The following MCC variants were observed in gnomAD, a reference collection of about 807,000 sequenced individuals.
The protein encoded by MCC is colorectal mutant cancer protein.
A neutral mutation model predicts 116.2 loss-of-function variants in MCC; 90 were observed. The observed-to-expected ratio is 0.77, with a 90% CI of 0.65 to 0.92. MCC has a LOEUF of 0.92. Ranked by LOEUF, MCC falls within the 40% of genes least tolerant of loss-of-function variation. MCC has a pLI of 0.00. For synonymous variants in MCC, 578 were observed against 510.5 expected (o/e 1.13, Z -1.78); for missense variants, 1,516 against 1,312.2 (o/e 1.16, Z -2.40).
chr5:113,124,449 G>A (rs765378647), intron 5 of MCC, among the ~76,000 whole-genome samples: 2 of 152,178 alleles, frequency 1.3e-5, no homozygotes, highest in Admixed American at 6.5e-5. Flanking sequence ...TGGCTCAGCC[G>A]AGACTTTTTT....
intron 5 of MCC, among the ~76,000 whole-genome samples, chr5:113,126,493 C>T (rs1248648981): frequency 6.6e-6 from 1 of 152,028 alleles, no homozygotes; most frequent in Non-Finnish European, 1.5e-5. Flanking sequence ...CATTTATATG[C>T]AAATTTTCTT....
chr5:113,388,082 C>T (rs1769313389), intron 1 of MCC, among the ~76,000 whole-genome samples: 1 of 152,124 alleles, frequency 6.6e-6, no homozygotes, highest in African/African-American at 2.4e-5. Context: ...GCTTGAGAAG[C>T]CCCATTCTAC....
chr5:113,265,238 G>A (rs1254759260), intron 3 of MCC, among the ~76,000 whole-genome samples: 1 of 152,156 alleles, frequency 6.6e-6, no homozygotes, highest in Admixed American at 6.5e-5. Context: ...ATGCCTCTGA[G>A]TATCCTGAGA....
At chr5:113,400,534 G>A (rs1364182083) in intron 1 of MCC, among the ~76,000 whole-genome samples, 2 of 152,086 alleles carry the variant, frequency 1.3e-5, no homozygotes, top group East Asian at 1.9e-4. Flanking sequence ...TTAACATTTG[G>A]TATTAAGCAA....
At chr5:113,327,564 A>C (rs936111861) in intron 3 of MCC, among the ~76,000 whole-genome samples, 11 of 80,504 alleles carry the variant, frequency 1.4e-4, no homozygotes, top group Non-Finnish European at 2.7e-4. Context: ...AAAAAAAAAT[A>C]TATATATATA....
chr5:113,052,865 G>C (rs761287724), intron 15 of MCC, among the ~76,000 whole-genome samples: 4 of 152,128 alleles, frequency 2.6e-5, no homozygotes, highest in Non-Finnish European at 5.9e-5. Context: ...ACATTCTGAA[G>C]CTGTCTAGGG....
chr5:113,269,954 G>A (rs1026955894), intron 3 of MCC, among the ~76,000 whole-genome samples: 5 of 152,088 alleles, frequency 3.3e-5, no homozygotes, highest in Non-Finnish European at 4.4e-5. Context: ...ATTTTGAAAC[G>A]GACATAATAC....
At chr5:113,368,382 T>C (rs1768752889) in intron 2 of MCC, among the ~76,000 whole-genome samples, 1 of 152,192 alleles carries the variant, frequency 6.6e-6, no homozygotes, top group African/African-American at 2.4e-5. Context: ...GAAGGAAAAT[T>C]TCATAGACTA....
Position 113,094,830 on chromosome 5 carries a change from G to A in MCC, c.1398+6909C>T, listed in dbSNP as rs140150126. Among the ~76,000 whole-genome samples the A allele has an allele frequency of 2.3e-3, 348 of 152,292 alleles. 2 individuals are homozygous for A. Among genetic ancestry groups the A allele is most frequent in the African/African-American group, 8.0e-3 (332 of 41,564 alleles). Reference sequence around the variant, plus strand: ...CCTCCTCATAGGCACATGAGGCTGGGGTGAGTAAGCAAATACTGGTGCCCA... The same window carrying A: ...CCTCCTCATAGGCACATGAGGCTGGAGTGAGTAAGCAAATACTGGTGCCCA... On this transcript the variant is annotated intron_variant, in intron 8 of 18. Transcript: ENST00000408903.
At chr5:113,311,334 C>T (rs1350168205) in intron 3 of MCC, among the ~76,000 whole-genome samples, 1 of 152,144 alleles carries the variant, frequency 6.6e-6, no homozygotes, top group Admixed American at 6.5e-5. Flanking sequence ...ATGGTATGCC[C>T]GTGTCTCCTC....
Position 113,071,199 on chromosome 5 carries a change from AG to A in MCC, c.1819del (p.Leu607Ter). 1 of 1,614,164 alleles carries A rather than the reference AG, an allele frequency of 6.2e-7. No homozygotes were observed. Among genetic ancestry groups the A allele is most frequent in the Non-Finnish European group, 8.5e-7 (1 of 1,180,022 alleles). On this transcript the variant is annotated frameshift_variant, in exon 12 of 19. Transcript: ENST00000408903. LOFTEE classifies it high-confidence loss of function. ...TTTACATTCCTCCAAGGTTATGGTC[AG>A]GAGGTCATTTTGGGATTTGAGGTGC... ...IEHLKSQNDL[L>X]TITLEECKSN...
intron 1 of MCC, among the ~76,000 whole-genome samples, chr5:113,445,898 A>G (rs1771201001): frequency 6.6e-6 from 1 of 152,238 alleles, no homozygotes; most frequent in Non-Finnish European, 1.5e-5. Flanking sequence ...GTACAAAACC[A>G]GACACAAAGA....
chr5:113,076,442 T>C (rs528662594), intron 11 of MCC, among the ~76,000 whole-genome samples: 2 of 152,060 alleles, frequency 1.3e-5, no homozygotes, highest in Non-Finnish European at 2.9e-5. Context: ...GGGAAGCCCA[T>C]CAGAGTAGTA....
At position 113,143,372 on chromosome 5, in the gene MCC, G is replaced by T. The variant is rs1759304590; in HGVS notation, c.742-12C>A. The T allele has an allele frequency of 6.2e-7, 1 of 1,613,476 alleles. No individual in the cohort carries two copies. Among genetic ancestry groups the T allele is most frequent in the Non-Finnish European group, 8.5e-7 (1 of 1,179,850 alleles). ...TGGGACTGCTCGCACTGGGAATAAG[G>T]GAAAAGGACAGAAGTGCTGATGAAT... On this transcript the variant is annotated splice_polypyrimidine_tract_variant and intron_variant, in intron 4 of 18. Coordinates refer to ENST00000408903, the MANE Select transcript of MCC (RefSeq NM_001085377.2).
intron 1 of MCC, among the ~76,000 whole-genome samples, chr5:113,424,132 T>TACACACACACAC (rs547192248): frequency 0.011 from 1,251 of 112,676 alleles, 40 homozygotes; most frequent in African/African-American, 0.014. Flanking sequence ...AGTCATCCTC[T>TACACACACACAC]ACACACACAC....
intron 3 of MCC, among the ~76,000 whole-genome samples, chr5:113,249,118 A>G (rs1764690718): frequency 6.7e-6 from 1 of 150,192 alleles, no homozygotes; most frequent in Non-Finnish European, 1.5e-5. Context: ...CTGGGATTAC[A>G]GGCGTGAGCC....
Position 113,130,634 on chromosome 5 carries a change from A to G in MCC, c.885-7808T>C, listed in dbSNP as rs563115697. On this transcript the variant is annotated intron_variant, in intron 5 of 18. Coordinates refer to ENST00000408903, the MANE Select transcript of MCC (RefSeq NM_001085377.2). ...ATGGGAGTGGATCCCTCAAGAGATTATTGCCCTTCCTTGTGGGTGAGTGAG... is the reference window on the plus strand; with the variant it reads ...ATGGGAGTGGATCCCTCAAGAGATTGTTGCCCTTCCTTGTGGGTGAGTGAG... 1.3e-5 allele frequency among the ~76,000 whole-genome samples: 2 copies of G among 152,170 alleles called. 1 individual carries two copies. The highest frequency in any genetic ancestry group is 4.8e-5 in the African/African-American group (2 of 41,504).
At chr5:113,345,929 CT>C (rs1768122187) in intron 2 of MCC, among the ~76,000 whole-genome samples, 1 of 152,248 alleles carries the variant, frequency 6.6e-6, no homozygotes, top group South Asian at 2.1e-4. Flanking sequence ...GATATATGAC[CT>C]TCCAGACAGA....
At chr5:113,483,231 G>T (rs1293448166) in intron 1 of MCC, among the ~76,000 whole-genome samples, 1 of 152,160 alleles carries the variant, frequency 6.6e-6, no homozygotes, top group Non-Finnish European at 1.5e-5. Context: ...TCTTTTTCAA[G>T]ATTGTTTTGA....
Sources: gnomAD v4.1 joint callset for allele counts (sites outside exome capture counted in the v4.1 genomes callset) on GRCh38, gnomAD v4.1.1 for gene constraint, MANE v1.5 for transcripts, NCBI Gene and HGNC (gene_info 2026-07-23, HGNC 2026-07-21) for gene names.